The following ABCC11 variants were observed in gnomAD, a reference collection of about 807,000 sequenced individuals.
ABCC11 encodes the protein ATP-binding cassette sub-family C member 11.
ABCC11 carries 135 observed loss-of-function variants against 149.3 expected under a neutral mutation model. The observed-to-expected ratio is 0.90, with a 90% CI of 0.79 to 1.04. ABCC11 has a LOEUF of 1.04. Ranked by LOEUF, ABCC11 falls within the 50% of genes least tolerant of loss-of-function variation. The probability of loss-of-function intolerance (pLI) is 0.00; values close to 1 mark genes in which losing one functional copy is unlikely to be tolerated. For missense variants in ABCC11, 1,680 were observed against 1,722.1 expected, an observed-to-expected ratio of 0.98 and a Z score of 0.43; for synonymous variants, 665 against 671.4, an observed-to-expected ratio of 0.99 and a Z score of 0.15.
chr16:48,205,139 G>A (rs184626230), intron 13 of ABCC11, among the ~76,000 whole-genome samples: 17 of 152,300 alleles, frequency 1.1e-4, no homozygotes, highest in South Asian at 2.1e-4. Flanking sequence ...AGTTAAGCAC[G>A]AAGTTTCTGA....
chr16:48,203,906 T>C (rs909088796), intron 13 of ABCC11, among the ~76,000 whole-genome samples: 2 of 152,214 alleles, frequency 1.3e-5, no homozygotes, highest in African/African-American at 4.8e-5. Context: ...TCTTACGTAT[T>C]TATTCAGAAA....
At chr16:48,233,069 T>C (rs1420627626) in intron 1 of ABCC11, among the ~76,000 whole-genome samples, 1 of 152,078 alleles carries the variant, frequency 6.6e-6, no homozygotes, top group Non-Finnish European at 1.5e-5. Flanking sequence ...GACGTAGTGG[T>C]GCACGCTTGT....
chr16:48,192,924 G>C (rs533281149), intron 19 of ABCC11, among the ~76,000 whole-genome samples: 1 of 152,138 alleles, frequency 6.6e-6, no homozygotes, highest in Non-Finnish European at 1.5e-5. Flanking sequence ...AGTCTGCCCC[G>C]TGGACACTGC....
intron 18 of ABCC11, among the ~76,000 whole-genome samples, chr16:48,194,221 A>G (rs1242146308): frequency 1.3e-5 from 2 of 152,198 alleles, no homozygotes; most frequent in African/African-American, 4.8e-5. Flanking sequence ...TGTCAGCAAC[A>G]TACCACTTCT....
At chr16:48,241,417 A>G (rs1970962893) in intron 1 of ABCC11, among the ~76,000 whole-genome samples, 1 of 152,226 alleles carries the variant, frequency 6.6e-6, no homozygotes, top group African/African-American at 2.4e-5. Flanking sequence ...ATGGAAGAAC[A>G]TTCCATGCTC....
rs1296297787 is a variant in ABCC11 at position 48,175,383 on chromosome 16, C to G, written c.3573G>C (p.Leu1191=). The G allele has an allele frequency of 1.2e-6, 2 of 1,613,156 alleles. No homozygotes were observed. Among genetic ancestry groups the G allele is most frequent in the Non-Finnish European group, 1.7e-6 (2 of 1,179,238 alleles). ...GAATCCGGCCTGCCATGGGCTCCAC[C>G]AGGCGGAAGAGAGCCATGCCCAAGG... ...KSSLGMALFR[L]VEPMAGRILI... The change falls in exon 26 of 30, where the codon CTG becomes CTC. Residue 1191 remains leucine (L), a synonymous_variant. Coordinates refer to ENST00000356608, the MANE Select transcript of ABCC11 (RefSeq NM_001370497.1).
At chr16:48,216,028 A>G (rs1336570551) in intron 7 of ABCC11, 86 bp downstream of exon 7, 66 of 1,387,078 alleles carry the variant, frequency 4.8e-5, no homozygotes, top group Non-Finnish European at 6.2e-5. Flanking sequence ...ACAAGAATCA[A>G]TGTTCTCACT....
At chr16:48,187,544 G>A (rs1482977573) in intron 20 of ABCC11, 117 bp from the exon 21 acceptor site, 3 of 827,684 alleles carry the variant, frequency 3.6e-6, no homozygotes, top group Non-Finnish European at 5.8e-6. Flanking sequence ...GGTCTCCAGG[G>A]CAGGCAATGT....
At chr16:48,175,186 T>C (rs1237114878) in intron 26 of ABCC11, 72 bp downstream of exon 26, 3 of 1,544,642 alleles carry the variant, frequency 1.9e-6, no homozygotes, top group Non-Finnish European at 2.6e-6. Context: ...CAGCTCACTA[T>C]AGGCAGCCCG....
chr16:48,172,496 C>G (rs1420620998), intron 26 of ABCC11, among the ~76,000 whole-genome samples: 1 of 150,870 alleles, frequency 6.6e-6, no homozygotes, highest in African/African-American at 2.4e-5. Flanking sequence ...GGTGCAAACA[C>G]AGCTCACTAC....
intron 6 of ABCC11, among the ~76,000 whole-genome samples, chr16:48,219,968 G>A (rs1969625017): frequency 6.6e-6 from 1 of 151,828 alleles, no homozygotes. Flanking sequence ...GCAACAATAG[G>A]GAAACTCCAG....
chr16:48,197,754 C>A (rs73540883), intron 17 of ABCC11, among the ~76,000 whole-genome samples: 9 of 152,320 alleles, frequency 5.9e-5, no homozygotes, highest in African/African-American at 1.9e-4. Flanking sequence ...CTGTGCCCCC[C>A]ACAACACTCA....
chr16:48,194,280 GATGAT>G (rs1177773606), intron 18 of ABCC11, among the ~76,000 whole-genome samples: 1 of 152,208 alleles, frequency 6.6e-6, no homozygotes, highest in Admixed American at 6.5e-5. Flanking sequence ...CCATGCTGAA[GATGAT>G]ATGATATAAT....
chr16:48,229,027 G>A (rs1019358662), intron 3 of ABCC11, among the ~76,000 whole-genome samples: 1 of 152,166 alleles, frequency 6.6e-6, no homozygotes, highest in South Asian at 2.1e-4. Context: ...ATTTCTTTTG[G>A]GGGGTAGGGG....
At chr16:48,234,861 G>A (rs1231890015) in intron 1 of ABCC11, among the ~76,000 whole-genome samples, 2 of 152,190 alleles carry the variant, frequency 1.3e-5, no homozygotes, top group Admixed American at 1.3e-4. Context: ...AGGACAGGCA[G>A]TGAGCAAGTA....
chr16:48,173,012 A>C (rs905487899), intron 26 of ABCC11, among the ~76,000 whole-genome samples: 3 of 152,198 alleles, frequency 2.0e-5, no homozygotes, highest in Non-Finnish European at 4.4e-5. Flanking sequence ...TGTAGGGCTA[A>C]TGTGTACTAA....
rs766591421 is a variant in ABCC11 at position 48,214,874 on chromosome 16, C to A, written c.1248+7G>T. The A allele has an allele frequency of 1.9e-6, 3 of 1,614,070 alleles. No individual in the cohort carries two copies. Among genetic ancestry groups the A allele is most frequent in the Non-Finnish European group, 2.5e-6 (3 of 1,179,992 alleles). On this transcript the variant is annotated splice_region_variant and intron_variant, in intron 9 of 29. Transcript: ENST00000356608. Reference sequence around the variant, plus strand: ...TGGGGAGAAAACAAAGCCCCCCAAACCCTTACCATTGACGCTGTGAGTTTC... The same window carrying A: ...TGGGGAGAAAACAAAGCCCCCCAAAACCTTACCATTGACGCTGTGAGTTTC...
intron 11 of ABCC11, among the ~76,000 whole-genome samples, chr16:48,209,179 C>G (rs896456514): frequency 6.6e-6 from 1 of 152,160 alleles, no homozygotes; most frequent in Non-Finnish European, 1.5e-5. Context: ...TGTGAGAACA[C>G]TGGTGGGAAA....
intron 12 of ABCC11, among the ~76,000 whole-genome samples, chr16:48,207,673 A>AGGAAGGGAAGGGAAGGGAAG (rs931135629): frequency 6.6e-6 from 1 of 151,980 alleles, no homozygotes; most frequent in Non-Finnish European, 1.5e-5. Context: ...AAAGAAAGGA[A>AGGAAGGGAAGGGAAGGGAAG]GGAAGGGAAG....
Sources: allele counts gnomAD v4.1 joint callset (sites outside exome capture counted in the v4.1 genomes callset), GRCh38; gene constraint gnomAD v4.1.1; transcripts MANE v1.5; gene names NCBI Gene and HGNC (gene_info 2026-07-23, HGNC 2026-07-21).